FRY: variants seen among roughly 807,000 people sequenced by gnomAD.
FRY encodes the protein protein furry homolog.
FRY carries 128 observed loss-of-function variants against 348.4 expected under a neutral mutation model. That is an observed-to-expected ratio of 0.37 (90% CI 0.32 to 0.43). FRY has a LOEUF of 0.43. Among genes scored for constraint, FRY ranks in the 20% least tolerant of loss-of-function variants. The pLI is 1.00. For missense variants in FRY, 2,736 were observed against 3,695.2 expected, an observed-to-expected ratio of 0.74 and a Z score of 6.73; for synonymous variants, 1,370 against 1,374.7, an observed-to-expected ratio of 1.00 and a Z score of 0.08.
rs921104100 is a variant in FRY, at chr13:32,289,756, G to T, written c.8580+13G>T. 7.1e-7 allele frequency: 1 copy of T among 1,400,890 alleles called. No individual in the cohort carries two copies. Among genetic ancestry groups the T allele is most frequent in the African/African-American group, 1.4e-5 (1 of 71,018 alleles). 86.8% of individuals were successfully genotyped at this position (1,400,890 alleles called of 1,614,324 possible). A position where few individuals can be genotyped will look rare whatever the true frequency, so the allele number is the denominator to read the frequency against. ...CTCCATGCCAGAGGTGAGTCCACAC[G>T]CTTCCCAACCCCACGTCCCACCACA... On this transcript the variant is annotated intron_variant, in intron 59 of 60. Coordinates refer to ENST00000542859, the MANE Select transcript of FRY (RefSeq NM_023037.3).
chr13:32,123,757 A>G (rs1365263200), intron 4 of FRY, among the ~76,000 whole-genome samples: 1 of 152,202 alleles, frequency 6.6e-6, no homozygotes, highest in Non-Finnish European at 1.5e-5. Flanking sequence ...TTAAATTTGA[A>G]GTCAAATATT....
intron 20 of FRY, 61 bp from the exon 21 acceptor site, chr13:32,178,116 T>G: frequency 6.3e-7 from 1 of 1,583,252 alleles, no homozygotes; most frequent in Non-Finnish European, 8.7e-7. Flanking sequence ...AGGCTGAGCC[T>G]TGATGAGGAT....
chr13:32,057,175 T>A (rs1328768531), intron 1 of FRY, among the ~76,000 whole-genome samples: 1 of 151,966 alleles, frequency 6.6e-6, no homozygotes, highest in Non-Finnish European at 1.5e-5. Context: ...TTTTTTATTT[T>A]TTATTTTTTT....
chr13:32,178,340 A>G lies in FRY; in HGVS notation c.2585A>G (p.Gln862Arg). 1 of 1,614,206 alleles carries G rather than the reference A, an allele frequency of 6.2e-7. No individual in the cohort carries two copies. Among genetic ancestry groups the G allele is most frequent in the Non-Finnish European group, 8.5e-7 (1 of 1,180,018 alleles). ...WVLCLFSFLR[Q>R]ENLPKHCPTA... ...CTCTGCCTCTTCAGCTTCCTCCGGCAGGAGAACTTACCCAAGCACTGCCCC... is the reference window on the plus strand; with the variant it reads ...CTCTGCCTCTTCAGCTTCCTCCGGCGGGAGAACTTACCCAAGCACTGCCCC... The change falls in exon 21 of 61, where the codon CAG becomes CGG. Residue 862 changes from glutamine to arginine, a missense_variant. Transcript: ENST00000542859.
chr13:32,252,103 C>A, intron 50 of FRY, 151 bp downstream of exon 50: 1 of 686,602 alleles, frequency 1.5e-6, no homozygotes, highest in Non-Finnish European at 2.7e-6. Context: ...ACTATTTCTC[C>A]CCACACCATG....
At chr13:32,133,041 G>C (rs1010315110) in intron 8 of FRY, among the ~76,000 whole-genome samples, 1 of 152,198 alleles carries the variant, frequency 6.6e-6, no homozygotes, top group Admixed American at 6.5e-5. Context: ...GGGATGGGGA[G>C]TGGATAGGGA....
chr13:32,267,089 T>G, intron 54 of FRY, 81 bp from the exon 55 acceptor site: 1 of 1,320,846 alleles, frequency 7.6e-7, no homozygotes, highest in Non-Finnish European at 1.1e-6. Context: ...TTTTGCTGAC[T>G]CTCAGGGTGA....
chr13:32,248,426 A>G (rs1593798327), intron 48 of FRY, among the ~76,000 whole-genome samples: 1 of 152,138 alleles, frequency 6.6e-6, no homozygotes, highest in African/African-American at 2.4e-5. Flanking sequence ...AGAAATACCT[A>G]ATGTAGATGA....
At chr13:32,198,945 A>G (rs1454246668) in intron 29 of FRY, among the ~76,000 whole-genome samples, 2 of 152,256 alleles carry the variant, frequency 1.3e-5, no homozygotes, top group Non-Finnish European at 2.9e-5. Flanking sequence ...TTTCTAAAGA[A>G]AGGCCAGCAC....
intron 1 of FRY, among the ~76,000 whole-genome samples, chr13:32,032,711 G>A (rs562329283): frequency 2.0e-5 from 3 of 152,196 alleles, no homozygotes; most frequent in African/African-American, 4.8e-5. Context: ...TGTATTTTCC[G>A]AACTGTTTAA....
chr13:32,274,517 A>G (rs995400214), intron 55 of FRY, among the ~76,000 whole-genome samples: 4 of 151,784 alleles, frequency 2.6e-5, no homozygotes, highest in Non-Finnish European at 5.9e-5. Context: ...ATCCTGGCTA[A>G]CACAGTGAAA....
At chr13:32,193,711 G>A (rs1883496521) in intron 28 of FRY, among the ~76,000 whole-genome samples, 2 of 150,628 alleles carry the variant, frequency 1.3e-5, no homozygotes, top group South Asian at 4.2e-4. Flanking sequence ...TCAGCCTCCT[G>A]AGTAGCTGGG....
At chr13:32,286,747 CAAAAAAAAAAA>C (rs6144991) in intron 58 of FRY, among the ~76,000 whole-genome samples, 74 of 77,454 alleles carry the variant, frequency 9.6e-4, no homozygotes, top group African/African-American at 2.7e-3. Flanking sequence ...GACTCTGTCT[CAAAAAAAAAAA>C]AAAAAAAAAA....
At chr13:32,265,730 T>C (rs1887890769) in intron 54 of FRY, 114 bp downstream of exon 54, 1 of 1,048,834 alleles carries the variant, frequency 9.5e-7, no homozygotes, top group Non-Finnish European at 1.4e-6. Flanking sequence ...AATAAAGGAC[T>C]CCAAAGTGAC....
At chr13:32,080,081 T>C (rs1593589726) in intron 2 of FRY, among the ~76,000 whole-genome samples, 1 of 152,362 alleles carries the variant, frequency 6.6e-6, no homozygotes, top group East Asian at 1.9e-4. Context: ...TGTGTTTACC[T>C]GAAAGTTACA....
At chr13:32,219,280 G>A (rs1238003222) in intron 36 of FRY, among the ~76,000 whole-genome samples, 5 of 148,986 alleles carry the variant, frequency 3.4e-5, no homozygotes, top group South Asian at 4.2e-4. Context: ...TAGTAGAGAC[G>A]GGATTTCACC....
In FRY at chr13:32,178,346, A is replaced by G. The variant is rs1882493442; in HGVS notation, c.2591A>G (p.Asn864Ser). ...CTCTTCAGCTTCCTCCGGCAGGAGAACTTACCCAAGCACTGCCCCACAGCC... is the reference window on the plus strand; with the variant it reads ...CTCTTCAGCTTCCTCCGGCAGGAGAGCTTACCCAAGCACTGCCCCACAGCC... ...LCLFSFLRQE[N>S]LPKHCPTALS... The change falls in exon 21 of 61, where the codon AAC becomes AGC. Residue 864 changes from asparagine (N) to serine (S), a missense_variant. Physicochemically the swap from Asn to Ser is conservative, Grantham distance 46. This residue lies in a region of FRY where 449 missense variants were observed against 576.9 expected (regional missense o/e 0.78). Coordinates refer to ENST00000542859, the MANE Select transcript of FRY (RefSeq NM_023037.3). 1 of 1,614,144 alleles carries G rather than the reference A, an allele frequency of 6.2e-7. No homozygotes were observed. The highest frequency in any genetic ancestry group is 2.2e-5 in the East Asian group (1 of 44,872).
At chr13:32,198,729 C>G (rs1301181476) in intron 29 of FRY, among the ~76,000 whole-genome samples, 15 of 152,244 alleles carry the variant, frequency 9.9e-5, no homozygotes, top group Admixed American at 7.2e-4. Flanking sequence ...TTGCACTCAT[C>G]ATCATCACCA....
intron 17 of FRY, among the ~76,000 whole-genome samples, chr13:32,163,373 C>CT (rs1881558051): frequency 6.6e-6 from 1 of 152,198 alleles, no homozygotes; most frequent in Non-Finnish European, 1.5e-5. Context: ...ATTTTACTAC[C>CT]TGCATGATCC....
Sources: allele counts gnomAD v4.1 joint callset (sites outside exome capture counted in the v4.1 genomes callset), GRCh38; gene constraint gnomAD v4.1.1; regional missense constraint gnomAD v4.1.1; transcripts MANE v1.5; gene names NCBI Gene and HGNC (gene_info 2026-07-23, HGNC 2026-07-21).